LIPJ: variants seen among roughly 807,000 people sequenced by gnomAD.
LIPJ encodes the protein lipase family member J.
LIPJ carries 33 observed loss-of-function variants against 39.8 expected under a neutral mutation model. That is an observed-to-expected ratio of 0.83 (90% CI 0.63 to 1.11). The LOEUF (loss-of-function observed/expected upper bound fraction) is 1.11. LIPJ is among the 50% of genes least tolerant of loss of function. LIPJ has a pLI of 0.00. For missense variants in LIPJ, 422 were observed against 427.9 expected, an observed-to-expected ratio of 0.99 and a Z score of 0.12; for synonymous variants, 128 against 139.2, an observed-to-expected ratio of 0.92 and a Z score of 0.57.
At chr10:88,583,331 G>T, upstream of LIPJ, 19 of 1,411,668 alleles carry the variant, frequency 1.3e-5, no homozygotes, top group Non-Finnish European at 1.7e-5. Context: ...GCTTTCCTCC[G>T]GCCGGCCTGC....
At chr10:88,602,008 T>A (rs1408324538) in intron 8 of LIPJ, among the ~76,000 whole-genome samples, 1 of 152,144 alleles carries the variant, frequency 6.6e-6, no homozygotes, top group Non-Finnish European at 1.5e-5. Flanking sequence ...CAGATTAACA[T>A]TATGGCTTTA....
the LIPJ span, among the ~76,000 whole-genome samples, chr10:88,617,949 T>C: frequency 6.6e-6 from 1 of 152,258 alleles, no homozygotes; most frequent in Admixed American, 6.5e-5. Context: ...GGACTATTGC[T>C]AACTCCAAAG....
At chr10:88,584,359 ATACAC>A (rs2134528537), upstream of LIPJ, 1 of 152,352 alleles carries the variant, frequency 6.6e-6, no homozygotes, top group South Asian at 2.1e-4. Flanking sequence ...GTGTTACAAA[ATACAC>A]AAAACAAAAT....
chr10:88,603,015 C>T (rs757159152), intron 9 of LIPJ, among the ~76,000 whole-genome samples: 13 of 152,040 alleles, frequency 8.6e-5, no homozygotes, highest in Non-Finnish European at 1.9e-4. Flanking sequence ...TCACTTGAAC[C>T]CGGGAGGTGG....
rs1051189227 is a variant in LIPJ, at chr10:88,587,399, T to C, written c.-104+7T>C. 6.6e-6 allele frequency: 1 copy of C among 152,132 alleles called. No individual in the cohort carries two copies. Among genetic ancestry groups the C allele is most frequent in the African/African-American group, 2.4e-5 (1 of 41,444 alleles). 9.4% of individuals were successfully genotyped at this position (152,132 alleles called of 1,614,324 possible). A position where few individuals can be genotyped will look rare whatever the true frequency, so the allele number is the denominator to read the frequency against. The stretch of plus-strand genomic sequence containing the variant: ...AATCAACAAAAGCAGAGAGGTATGA[T>C]ATAATACTTTTCATTGTTGTGTGTT... On this transcript the variant is annotated splice_region_variant and intron_variant, in intron 2 of 10. Coordinates refer to ENST00000371939, the Ensembl canonical transcript of LIPJ.
chr10:88,585,045 A>T (rs769669532), upstream of LIPJ, among the ~76,000 whole-genome samples: 10 of 152,198 alleles, frequency 6.6e-5, no homozygotes, highest in Non-Finnish European at 1.3e-4. Context: ...AAAAGTTCAG[A>T]TTTCTCTGAA....
At chr10:88,604,425 C>T (rs528716804) in intron 9 of LIPJ, among the ~76,000 whole-genome samples, 33 of 152,236 alleles carry the variant, frequency 2.2e-4, no homozygotes, top group African/African-American at 7.7e-4. Context: ...TATAGTAGAA[C>T]AAGAGTGAAA....
At chr10:88,602,348 T>G (rs1445131841) in intron 8 of LIPJ, among the ~76,000 whole-genome samples, 1 of 152,038 alleles carries the variant, frequency 6.6e-6, no homozygotes, top group Non-Finnish European at 1.5e-5. Context: ...GTAGAGTGAG[T>G]GGCAGACGAA....
intron 9 of LIPJ, among the ~76,000 whole-genome samples, chr10:88,604,064 CA>C (rs1346888602): frequency 6.6e-5 from 10 of 152,092 alleles, no homozygotes; most frequent in African/African-American, 2.4e-4. Flanking sequence ...AGATTATAAA[CA>C]ATAACCATGT....
At chr10:88,605,534 C>A in intron 9 of LIPJ, 99 bp from the exon 10 acceptor site, 2 of 780,708 alleles carry the variant, frequency 2.6e-6, no homozygotes, top group South Asian at 1.5e-5. Context: ...TACCAGCAGA[C>A]CCAGTACAAT....
chr10:88,589,855 A>T (rs1363306027), intron 2 of LIPJ, among the ~76,000 whole-genome samples: 2 of 151,820 alleles, frequency 1.3e-5, no homozygotes, highest in Non-Finnish European at 3.0e-5. Context: ...AGGCAGGGAA[A>T]CTGATGATCA....
At chr10:88,597,006 G>A (rs148631720) in intron 8 of LIPJ, 70 bp downstream of exon 8, 1 of 867,142 alleles carries the variant, frequency 1.2e-6, no homozygotes, top group Non-Finnish European at 1.8e-6. Flanking sequence ...AATAGTGCTT[G>A]TGTTATACCT....
the LIPJ span, among the ~76,000 whole-genome samples, chr10:88,616,329 C>A: frequency 1.4e-4 from 21 of 152,330 alleles, no homozygotes; most frequent in Admixed American, 9.1e-4. Context: ...GCAGTTAGAA[C>A]AAGCCCTTCA....
At chr10:88,607,073 T>G (rs377547908), downstream of LIPJ, 74 of 597,062 alleles carry the variant, frequency 1.2e-4, no homozygotes, top group African/African-American at 1.0e-3. Context: ...TCAGTGTCAT[T>G]CATCATCTCA....
intron 2 of LIPJ, among the ~76,000 whole-genome samples, chr10:88,589,687 A>T (rs911692950): frequency 2.0e-5 from 3 of 151,852 alleles, no homozygotes; most frequent in Admixed American, 6.6e-5. Flanking sequence ...CATGTAAATT[A>T]TCTCCCTAAA....
downstream of LIPJ, among the ~76,000 whole-genome samples, chr10:88,610,964 A>G (rs1851743344): frequency 6.6e-6 from 1 of 152,240 alleles, no homozygotes; most frequent in Admixed American, 6.5e-5. Context: ...CTAGGCAAAC[A>G]TATCTTAGAA....
intron 9 of LIPJ, 131 bp from the exon 10 acceptor site, chr10:88,605,502 C>G (rs562820732): frequency 2.7e-4 from 184 of 679,942 alleles, no homozygotes; most frequent in Non-Finnish European, 3.7e-5. Flanking sequence ...AAAAGAAGAA[C>G]GAAGAAGCCC....
At chr10:88,622,414 A>T in the LIPJ span, among the ~76,000 whole-genome samples, 1 of 152,230 alleles carries the variant, frequency 6.6e-6, no homozygotes, top group Non-Finnish European at 1.5e-5. Context: ...TATTTTAAGC[A>T]GAGGAAACAA....
chr10:88,611,358 C>T (rs942079730), downstream of LIPJ, among the ~76,000 whole-genome samples: 1 of 152,176 alleles, frequency 6.6e-6, no homozygotes, highest in Non-Finnish European at 1.5e-5. Context: ...AAAAAAGTTA[C>T]TTTAACACCC....
Sources: gnomAD v4.1 joint callset for allele counts (sites outside exome capture counted in the v4.1 genomes callset) on GRCh38, gnomAD v4.1.1 for gene constraint, MANE v1.5 for transcripts, NCBI Gene and HGNC (gene_info 2026-07-23, HGNC 2026-07-21) for gene names.